Variants in ADCK1 observed in about 807,000 individuals in gnomAD.
ADCK1 encodes aarF domain containing kinase 1.
ADCK1 carries 41 observed loss-of-function variants against 52.3 expected under a neutral mutation model. The ratio of observed to expected loss-of-function variants is 0.78; its 90% confidence interval spans 0.61 to 1.02. The LOEUF is 1.02. ADCK1 is among the 50% of genes least tolerant of loss of function. The pLI is 0.00. For missense variants in ADCK1, 658 were observed against 679.5 expected (o/e 0.97, Z 0.35); for synonymous variants, 250 against 274.6 (o/e 0.91, Z 0.89).
chr14:77,844,128 T>C (rs917616268), intron 3 of ADCK1, among the ~76,000 whole-genome samples: 2 of 152,032 alleles, frequency 1.3e-5, no homozygotes, highest in Admixed American at 6.6e-5. Context: ...AGTGCAGTGA[T>C]GTGATCTCCC....
At chr14:77,928,734 A>C (rs541079593) in intron 9 of ADCK1, among the ~76,000 whole-genome samples, 1 of 152,174 alleles carries the variant, frequency 6.6e-6, no homozygotes, top group Non-Finnish European at 1.5e-5. Context: ...TGCTGGGATT[A>C]CAGTCATGAG....
intron 5 of ADCK1, among the ~76,000 whole-genome samples, chr14:77,895,726 C>A (rs969395306): frequency 6.6e-6 from 1 of 152,180 alleles, no homozygotes; most frequent in Non-Finnish European, 1.5e-5. Context: ...TCTAAAATGG[C>A]AGCAGCCCGA....
chr14:77,845,348 A>G (rs2082153497), intron 3 of ADCK1, among the ~76,000 whole-genome samples: 1 of 152,256 alleles, frequency 6.6e-6, no homozygotes, highest in Non-Finnish European at 1.5e-5. Flanking sequence ...ATACATGTAT[A>G]AAGGGTTCAG....
At chr14:77,909,127 CTT>C (rs55821210) in intron 7 of ADCK1, among the ~76,000 whole-genome samples, 14 of 103,336 alleles carry the variant, frequency 1.4e-4, no homozygotes, top group African/African-American at 3.9e-4. Flanking sequence ...GAGGTAAATG[CTT>C]TTTTTTTTTT....
intron 3 of ADCK1, among the ~76,000 whole-genome samples, chr14:77,852,669 A>ATATATATTTATATATATATATATATATAT (rs1566667179): frequency 2.1e-4 from 2 of 9,414 alleles, no homozygotes; most frequent in Middle Eastern, 0.1. Flanking sequence ...AAATATATAT[A>ATATATATTTATATATATATATATATATAT]TATATATATA....
chr14:77,859,418 G>A, intron 4 of ADCK1, 139 bp downstream of exon 4: 1 of 826,388 alleles, frequency 1.2e-6, no homozygotes, highest in South Asian at 1.9e-5. Flanking sequence ...TCTCAGTGCT[G>A]AAATCAAAGA....
rs376615066 is a variant in ADCK1, at chr14:77,859,191, C to A, written c.335C>A (p.Thr112Asn). 4.8e-5 allele frequency: 77 copies of A among 1,613,924 alleles called. No individual in the cohort carries two copies. Among genetic ancestry groups the A allele is most frequent in the Non-Finnish European group, 5.9e-5 (70 of 1,180,008 alleles). ...ALDYLLPEEYTSTLKVLHSQA... is the reference protein window; with the variant it reads ...ALDYLLPEEYNSTLKVLHSQA... ...GACTACCTGTTGCCAGAGGAGTACA[C>A]CAGCACGCTGAAGGTACTGCACAGC... Residue 112 changes from threonine (T) to asparagine (N), a missense_variant, in exon 4 of 11, where the codon ACC (threonine) becomes AAC (asparagine). Transcript: ENST00000238561.
chr14:77,803,819 G>A (rs190763918), intron 1 of ADCK1, among the ~76,000 whole-genome samples: 192 of 152,286 alleles, frequency 1.3e-3, no homozygotes, highest in Non-Finnish European at 2.4e-3. Flanking sequence ...CAGCAGTAAG[G>A]ACTTTAGTGA....
intron 9 of ADCK1, among the ~76,000 whole-genome samples, chr14:77,926,701 G>C (rs1368808904): frequency 6.6e-6 from 1 of 152,190 alleles, no homozygotes; most frequent in Non-Finnish European, 1.5e-5. Flanking sequence ...GGCTAAAGCA[G>C]CTTTTTTGTG....
At chr14:77,925,992 C>T in intron 9 of ADCK1, 31 bp downstream of exon 9, 1 of 1,612,350 alleles carries the variant, frequency 6.2e-7, no homozygotes, top group Non-Finnish European at 8.5e-7. Context: ...CTGCCTCTTC[C>T]TAAATGCAGA....
chr14:77,931,605 T>C lies in ADCK1; in HGVS notation c.1294T>C (p.Leu432=). Residue 432 remains leucine (L), a synonymous_variant, in exon 10 of 11, where the codon TTG becomes CTG. Coordinates refer to ENST00000238561, the MANE Select transcript of ADCK1 (RefSeq NM_020421.4). ...CGTGCCGCGCCAGATGCTGCTCATC[T>C]TGAAGACCAACGACCTGCTGCGTGG... ...NHVPRQMLLI[L]KTNDLLRGIE... is the part of the protein sequence containing the mutation. The C allele has an allele frequency of 1.2e-6, 2 of 1,613,768 alleles. No individual in the cohort carries two copies. The highest frequency in any genetic ancestry group is 2.7e-5 in the African/African-American group (2 of 75,076).
chr14:77,891,511 C>A (rs1474868396), intron 5 of ADCK1, among the ~76,000 whole-genome samples: 3 of 151,726 alleles, frequency 2.0e-5, no homozygotes, highest in African/African-American at 7.3e-5. Flanking sequence ...GTAATGGTTG[C>A]TGTAAGGTCA....
chr14:77,914,676 G>A, intron 7 of ADCK1: 1 of 822,598 alleles, frequency 1.2e-6, no homozygotes, highest in South Asian at 5.6e-5. Context: ...CTCTGAGTGT[G>A]AGTTTTCTCA....
intron 4 of ADCK1, among the ~76,000 whole-genome samples, chr14:77,882,951 ACAC>A (rs1566698052): frequency 4.9e-5 from 5 of 102,422 alleles, no homozygotes; most frequent in South Asian, 4.0e-4. Context: ...ATTTTTTCTT[ACAC>A]CACCCCCCCC....
intron 6 of ADCK1, among the ~76,000 whole-genome samples, chr14:77,901,680 G>T (rs1010194966): frequency 1.3e-5 from 2 of 152,104 alleles, no homozygotes; most frequent in African/African-American, 4.8e-5. Flanking sequence ...GTGAGCCACC[G>T]CGGCCGGCCG....
intron 3 of ADCK1, among the ~76,000 whole-genome samples, chr14:77,849,789 T>A (rs2886168): frequency 0.66 from 100,950 of 151,956 alleles, 34,446 homozygotes; most frequent in Middle Eastern, 0.83. Context: ...CAGAGATTTC[T>A]TGGTTATTGA....
At chr14:77,858,286 A>G (rs748594505) in intron 3 of ADCK1, among the ~76,000 whole-genome samples, 6 of 152,080 alleles carry the variant, frequency 3.9e-5, no homozygotes, top group Non-Finnish European at 7.4e-5. Flanking sequence ...TGCCCAGGCT[A>G]GAGTGCAGTG....
chr14:77,858,561 A>G (rs1274723536), intron 3 of ADCK1, among the ~76,000 whole-genome samples: 1 of 152,152 alleles, frequency 6.6e-6, no homozygotes, highest in Non-Finnish European at 1.5e-5. Flanking sequence ...TTAGCAACAA[A>G]ACGACGGAGT....
chr14:77,855,150 G>T (rs1352482485), intron 3 of ADCK1, among the ~76,000 whole-genome samples: 1 of 152,206 alleles, frequency 6.6e-6, no homozygotes, highest in Admixed American at 6.5e-5. Flanking sequence ...GGCATGGCAT[G>T]CCATCATGCC....
Sources: gnomAD v4.1 joint callset for allele counts (sites outside exome capture counted in the v4.1 genomes callset) on GRCh38, gnomAD v4.1.1 for gene constraint, MANE v1.5 for transcripts, NCBI Gene and HGNC (gene_info 2026-07-23, HGNC 2026-07-21) for gene names.